The following LRP1B variants were observed in gnomAD, a reference collection of about 807,000 sequenced individuals.
LRP1B encodes low-density lipoprotein receptor-related protein 1B.
In LRP1B, 217 loss-of-function variants were observed where a neutral mutation model predicts 556.6. The ratio of observed to expected loss-of-function variants is 0.39; its 90% CI spans 0.35 to 0.44. The LOEUF is 0.44. Ranked by LOEUF, LRP1B falls within the 20% of genes least tolerant of loss-of-function variation. The pLI, the probability that LRP1B is intolerant of heterozygous loss-of-function variation, is 1.00. For missense variants in LRP1B, 5,053 were observed against 5,620.8 expected (o/e 0.90, Z 3.23); for synonymous variants, 2,047 against 1,865.8 (o/e 1.10, Z -2.50).
intron 3 of LRP1B, among the ~76,000 whole-genome samples, chr2:141,358,774 T>C (rs540066562): frequency 3.3e-5 from 5 of 152,324 alleles, no homozygotes; most frequent in African/African-American, 9.6e-5. Flanking sequence ...ATCTCCATCA[T>C]GCTTTGATAG....
chr2:140,548,795 C>T (rs989894958), intron 43 of LRP1B, among the ~76,000 whole-genome samples: 4 of 151,712 alleles, frequency 2.6e-5, no homozygotes, highest in African/African-American at 7.3e-5. Flanking sequence ...CATGGTTGTG[C>T]GTGCCTGTAA....
At chr2:141,493,150 A>C (rs1470017681) in intron 2 of LRP1B, among the ~76,000 whole-genome samples, 1 of 152,120 alleles carries the variant, frequency 6.6e-6, no homozygotes, top group Non-Finnish European at 1.5e-5. Context: ...GCAGAGGTTG[A>C]ATACTTTCTT....
At chr2:142,105,350 A>G (rs1264234954) in intron 1 of LRP1B, among the ~76,000 whole-genome samples, 2 of 152,192 alleles carry the variant, frequency 1.3e-5, no homozygotes, top group Non-Finnish European at 2.9e-5. Context: ...ACAAAATTGT[A>G]TACATATCTA....
intron 28 of LRP1B, 92 bp downstream of exon 28, chr2:140,851,560 T>C (rs2105120867): frequency 1.4e-6 from 2 of 1,442,866 alleles, no homozygotes; most frequent in Non-Finnish European, 1.9e-6. Flanking sequence ...AAAAACTTCC[T>C]CTGCTTTAAT....
chr2:141,100,795 C>G lies in LRP1B; in HGVS notation c.1014-38522G>C, dbSNP rs143336968. ...TGATGCTTGGGAGTAGACATGAAAACAGATTTGTACTTGTGTCTCCACTAA... is the reference window on the plus strand; with the variant it reads ...TGATGCTTGGGAGTAGACATGAAAAGAGATTTGTACTTGTGTCTCCACTAA... On this transcript the variant is annotated intron_variant, in intron 7 of 90. Transcript: ENST00000389484. 1.3e-3 allele frequency among the ~76,000 whole-genome samples: 198 copies of G among 152,018 alleles called. 1 individual carries two copies. The highest frequency in any genetic ancestry group is 4.6e-3 in the African/African-American group (189 of 41,490).
intron 1 of LRP1B, among the ~76,000 whole-genome samples, chr2:142,015,991 C>CAAAAAAGAAAA (rs1703116041): frequency 2.6e-5 from 1 of 38,790 alleles, no homozygotes; most frequent in Non-Finnish European, 4.2e-5. Flanking sequence ...GACTCCATCT[C>CAAAAAAGAAAA]AAAAAAAAAA....
chr2:141,851,474 A>C (rs1697854679), intron 1 of LRP1B, among the ~76,000 whole-genome samples: 2 of 151,862 alleles, frequency 1.3e-5, no homozygotes, highest in African/African-American at 4.8e-5. Context: ...ATAGTTATTC[A>C]TGTAAATAAG....
Position 140,278,062 on chromosome 2 carries a change from G to A in LRP1B, c.12968-3464C>T, listed in dbSNP as rs75446480. On this transcript the variant is annotated intron_variant, in intron 84 of 90. Transcript: ENST00000389484. ...ACACACACACACACACACACAAAAT[G>A]CAGCTGTAAGCAAAAATATGGATGA... 1.5e-3 allele frequency among the ~76,000 whole-genome samples: 224 copies of A among 148,926 alleles called. 3 individuals carry two copies. In the East Asian group the frequency reaches 0.04, roughly 27 times the overall value.
At position 140,442,491 on chromosome 2, in the gene LRP1B, C is replaced by T; in HGVS notation, c.10414+13G>A. On this transcript the variant is annotated intron_variant, in intron 66 of 90. Transcript: ENST00000389484. ...AATACGGAGAGATAAGACCCAGAGT[C>T]ACAGACACTCACCGCAGTTGGCCTC... is the stretch of plus-strand genomic sequence containing the variant. The T allele has an allele frequency of 1.2e-6, 2 of 1,609,440 alleles. No homozygotes were observed. The highest frequency in any genetic ancestry group is 8.5e-7 in the Non-Finnish European group (1 of 1,178,200).
chr2:140,835,467 G>A (rs1393911432), intron 31 of LRP1B, among the ~76,000 whole-genome samples: 4 of 152,128 alleles, frequency 2.6e-5, no homozygotes, highest in African/African-American at 9.7e-5. Flanking sequence ...CCTGCCGCCA[G>A]GCTCCAAGTC....
intron 3 of LRP1B, among the ~76,000 whole-genome samples, chr2:141,480,043 T>A (rs996634650): frequency 2.0e-5 from 3 of 152,196 alleles, no homozygotes; most frequent in African/African-American, 7.2e-5. Flanking sequence ...AACAAGCTTA[T>A]AACACGATGT....
At chr2:141,028,473 AT>A (rs965373952) in intron 11 of LRP1B, among the ~76,000 whole-genome samples, 1 of 151,978 alleles carries the variant, frequency 6.6e-6, no homozygotes, top group African/African-American at 2.4e-5. Context: ...GTAATCTAAA[AT>A]TTTTTATTAA....
chr2:142,051,244 T>A (rs149322041), intron 1 of LRP1B, among the ~76,000 whole-genome samples: 212 of 152,212 alleles, frequency 1.4e-3, no homozygotes, highest in Admixed American at 2.0e-3. Flanking sequence ...GCTGGAATTA[T>A]AAACTGAGAC....
chr2:140,332,112 A>G (rs896938471), intron 79 of LRP1B, among the ~76,000 whole-genome samples: 4 of 152,058 alleles, frequency 2.6e-5, no homozygotes, highest in Non-Finnish European at 4.4e-5. Context: ...TCTGACTCCA[A>G]TGAAGAGCTT....
intron 2 of LRP1B, among the ~76,000 whole-genome samples, chr2:141,558,203 G>A (rs1686029867): frequency 6.6e-6 from 1 of 151,890 alleles, no homozygotes; most frequent in Non-Finnish European, 1.5e-5. Context: ...GTGAGCAATA[G>A]ATGTGAACTA....
chr2:142,081,512 A>G (rs569065255), intron 1 of LRP1B, among the ~76,000 whole-genome samples: 1 of 152,320 alleles, frequency 6.6e-6, no homozygotes, highest in African/African-American at 2.4e-5. Context: ...GGAGGTAGAA[A>G]AGAGGCGTGG....
At chr2:141,831,919 A>C (rs1447517133) in intron 1 of LRP1B, among the ~76,000 whole-genome samples, 2 of 151,724 alleles carry the variant, frequency 1.3e-5, no homozygotes, top group African/African-American at 4.8e-5. Flanking sequence ...TCACTGTTCA[A>C]GGAATCCTAA....
chr2:141,230,271 A>G (rs908783527), intron 5 of LRP1B, among the ~76,000 whole-genome samples: 8 of 152,226 alleles, frequency 5.3e-5, no homozygotes, highest in Non-Finnish European at 2.9e-5. Context: ...ATTCATCTGT[A>G]TCTAATGCAT....
At chr2:141,843,044 G>A (rs963018407) in intron 1 of LRP1B, among the ~76,000 whole-genome samples, 32 of 152,054 alleles carry the variant, frequency 2.1e-4, no homozygotes, top group Non-Finnish European at 4.7e-4. Context: ...GAGGGAAAAT[G>A]AAACCTAGAG....
Sources: allele counts gnomAD v4.1 joint callset (sites outside exome capture counted in the v4.1 genomes callset), GRCh38; gene constraint gnomAD v4.1.1; transcripts MANE v1.5; gene names NCBI Gene and HGNC (gene_info 2026-07-23, HGNC 2026-07-21).